KIDINS220: variants seen among roughly 807,000 people sequenced by gnomAD.
KIDINS220 encodes kinase D interacting substrate 220, also known as kinase D-interacting substrate of 220 kDa.
KIDINS220 carries 63 observed loss-of-function variants against 157.6 expected under a neutral mutation model. The observed-to-expected ratio is 0.40, with a 90% CI of 0.33 to 0.49. KIDINS220 has a LOEUF of 0.49. Among genes scored for constraint, KIDINS220 ranks in the 20% least tolerant of loss-of-function variants. The pLI is 0.66. For missense variants in KIDINS220, 1,772 were observed against 2,171.2 expected (o/e 0.82, Z 3.65); for synonymous variants, 732 against 783.6 (o/e 0.93, Z 1.10).
Position 8,745,743 on chromosome 2 carries a change from G to C in KIDINS220, c.3585+1402C>G, listed in dbSNP as rs1666454840. Among the ~76,000 whole-genome samples, 3 of 152,174 alleles carry C rather than the reference G, an allele frequency of 2.0e-5. No homozygotes were observed. The South Asian group carries it at 6.2e-4, about 32-fold the overall frequency. ...GAAACCAGAAGGCTGAGGTTGCAGT[G>C]AGCTGAGATGGCATCACTGCACTCC... On this transcript the variant is annotated intron_variant, in intron 26 of 29. Coordinates refer to ENST00000256707, the MANE Select transcript of KIDINS220 (RefSeq NM_020738.4).
intron 21 of KIDINS220, among the ~76,000 whole-genome samples, chr2:8,775,220 T>C (rs1377309107): frequency 2.0e-5 from 3 of 152,218 alleles, no homozygotes; most frequent in Non-Finnish European, 4.4e-5. Flanking sequence ...CAGATATATA[T>C]TGACACCATT....
At chr2:8,786,675 C>T (rs900202936) in intron 15 of KIDINS220, among the ~76,000 whole-genome samples, 5 of 152,046 alleles carry the variant, frequency 3.3e-5, no homozygotes, top group African/African-American at 9.7e-5. Context: ...ACAGATCTCA[C>T]GACATAGTGG....
At chr2:8,738,478 G>A (rs140936320) in intron 26 of KIDINS220, among the ~76,000 whole-genome samples, 57 of 152,320 alleles carry the variant, frequency 3.7e-4, no homozygotes, top group African/African-American at 1.3e-3. Flanking sequence ...AGTGACCAAG[G>A]TTAGCATTAG....
chr2:8,744,396 TATATA>T (rs1252983920), intron 26 of KIDINS220, among the ~76,000 whole-genome samples: 1,191 of 24,592 alleles, frequency 0.048, 44 homozygotes, highest in Non-Finnish European at 0.051. Flanking sequence ...AAAATATATA[TATATA>T]ATATATATAT....
At chr2:8,750,740 G>A (rs1211219671) in intron 23 of KIDINS220, among the ~76,000 whole-genome samples, 2 of 152,180 alleles carry the variant, frequency 1.3e-5, no homozygotes, top group African/African-American at 4.8e-5. Context: ...TGCAAATTAT[G>A]AGACTCATCC....
Position 8,744,410 on chromosome 2 carries a change from A to C in KIDINS220, c.3585+2735T>G, listed in dbSNP as rs1339929188. ...AAAAATATATATATATAATATATAT[A>C]TATATATATATATATATATATATAT... On this transcript the variant is annotated intron_variant, in intron 26 of 29. Transcript: ENST00000256707. Among the ~76,000 whole-genome samples the C allele has an allele frequency of 1.7e-3, 71 of 41,108 alleles. 3 individuals are homozygous for C. Among genetic ancestry groups the C allele is most frequent in the Non-Finnish European group, 2.2e-3 (38 of 17,462 alleles). The allele number at this position is 41,108 out of a possible 152,430, so 27.0% of individuals were successfully genotyped here.
At position 8,751,581 on chromosome 2, in the gene KIDINS220, T is replaced by C; in HGVS notation, c.3075A>G (p.Ile1025Met). The change falls in exon 23 of 30, where the codon ATA (isoleucine) becomes ATG (methionine). Residue 1025 changes from isoleucine to methionine, a missense_variant. Ile to Met is a conservative substitution (Grantham distance 10, BLOSUM62 1). This residue lies in a region of KIDINS220 where 725 missense variants were observed against 1,017.1 expected (regional missense o/e 0.71). Coordinates refer to ENST00000256707, the MANE Select transcript of KIDINS220 (RefSeq NM_020738.4). ...VEPLLEIDGD[I>M]RNFEVFLSSR... The stretch of plus-strand genomic sequence containing the variant: ...AAGACAAAAACACTTCAAAATTTCT[T>C]ATATCTCCATCAATTTCAAGAAGTG... The C allele has an allele frequency of 6.2e-7, 1 of 1,612,272 alleles. No individual in the cohort carries two copies. Among genetic ancestry groups the C allele is most frequent in the Non-Finnish European group, 8.5e-7 (1 of 1,178,720 alleles).
chr2:8,748,848 A>T lies in KIDINS220; in HGVS notation c.3415-848T>A, dbSNP rs982316107. On this transcript the variant is annotated intron_variant, in intron 24 of 29. Coordinates refer to ENST00000256707, the MANE Select transcript of KIDINS220 (RefSeq NM_020738.4). The stretch of plus-strand genomic sequence containing the variant: ...TGATAAAATACTATTAAAAAGCATG[A>T]TTACATTATTGTTATTCATGAAATT... 2.0e-5 allele frequency among the ~76,000 whole-genome samples: 3 copies of T among 152,220 alleles called. No homozygotes were observed. In the East Asian group the frequency reaches 5.8e-4, roughly 29 times the overall value.
At chr2:8,805,176 C>T (rs779010963) in intron 7 of KIDINS220, among the ~76,000 whole-genome samples, 5 of 152,318 alleles carry the variant, frequency 3.3e-5, no homozygotes, top group African/African-American at 4.8e-5. Flanking sequence ...CATGGAGCTG[C>T]GCTATGCCAC....
At chr2:8,816,539 AC>A (rs1420756202) in intron 4 of KIDINS220, among the ~76,000 whole-genome samples, 2 of 152,206 alleles carry the variant, frequency 1.3e-5, no homozygotes, top group African/African-American at 4.8e-5. Flanking sequence ...TACCTATTCC[AC>A]CCCTGGCCTC....
intron 17 of KIDINS220, among the ~76,000 whole-genome samples, chr2:8,784,043 G>T (rs964354350): frequency 1.3e-5 from 2 of 152,104 alleles, no homozygotes; most frequent in Non-Finnish European, 2.9e-5. Flanking sequence ...TAATCAAACA[G>T]TGTGGTATGC....
At chr2:8,773,636 T>TA (rs1177764785) in intron 21 of KIDINS220, among the ~76,000 whole-genome samples, 1 of 152,052 alleles carries the variant, frequency 6.6e-6, no homozygotes, top group African/African-American at 2.4e-5. Context: ...CCACGCCTGC[T>TA]AATTTTTGTA....
intron 21 of KIDINS220, among the ~76,000 whole-genome samples, chr2:8,771,470 G>C (rs1027851563): frequency 1.3e-5 from 2 of 152,132 alleles, no homozygotes; most frequent in Non-Finnish European, 2.9e-5. Flanking sequence ...GTAGACAGTC[G>C]CAATCCTCAA....
downstream of KIDINS220, chr2:8,723,512 A>T (rs954881486): frequency 5.3e-5 from 8 of 152,258 alleles, no homozygotes; most frequent in African/African-American, 1.7e-4. Context: ...ATAAATTTTC[A>T]AACAACTCAT....
intron 22 of KIDINS220, among the ~76,000 whole-genome samples, chr2:8,763,197 C>A (rs978002733): frequency 6.6e-6 from 1 of 152,194 alleles, no homozygotes; most frequent in East Asian, 1.9e-4. Flanking sequence ...AGGCTCCTGG[C>A]CCCAAGAAAC....
chr2:8,790,530 A>G (rs986985932), intron 13 of KIDINS220, among the ~76,000 whole-genome samples: 11 of 152,206 alleles, frequency 7.2e-5, no homozygotes, highest in Non-Finnish European at 1.2e-4. Flanking sequence ...TTAAAGGTGC[A>G]TGTTGAGCCC....
In KIDINS220 at chr2:8,790,000, T is replaced by C. The variant is rs765360733; in HGVS notation, c.1501A>G (p.Ile501Val). ...CAAAGTAGCAGGGTAAGAAACACTA[T>C]GAGCCATGAGAACTGAAAGAGAGGC... Reference protein sequence around the residue: ...IEPLFQFSWLIVFLTLLLCGG... With the variant: ...IEPLFQFSWLVVFLTLLLCGG... The change falls in exon 14 of 30, where the codon ATA (isoleucine) becomes GTA (valine). Residue 501 changes from isoleucine to valine, a missense_variant. By Grantham distance (29) the Ile-to-Val change is conservative. Coordinates refer to ENST00000256707, the MANE Select transcript of KIDINS220 (RefSeq NM_020738.4). 13 of 1,612,818 alleles carry C rather than the reference T, an allele frequency of 8.1e-6. No individual in the cohort carries two copies. The South Asian group carries it at 1.2e-4, about 15-fold the overall frequency.
At chr2:8,755,847 C>T (rs1667947158) in intron 22 of KIDINS220, among the ~76,000 whole-genome samples, 1 of 152,208 alleles carries the variant, frequency 6.6e-6, no homozygotes, top group South Asian at 2.1e-4. Context: ...TATGTCCATC[C>T]TCATGCCTGT....
At chr2:8,771,531 G>T in intron 21 of KIDINS220, among the ~76,000 whole-genome samples, 1 of 152,032 alleles carries the variant, frequency 6.6e-6, no homozygotes, top group Admixed American at 6.5e-5. Context: ...ACCATGATTT[G>T]GTAGAAATTC....
Sources: gnomAD v4.1 joint callset for allele counts (sites outside exome capture counted in the v4.1 genomes callset) on GRCh38, gnomAD v4.1.1 for gene constraint, gnomAD v4.1.1 regional missense constraint, MANE v1.5 for transcripts, NCBI Gene and HGNC (gene_info 2026-07-23, HGNC 2026-07-21) for gene names.